UTRN: variants seen among roughly 807,000 people sequenced by gnomAD.
The protein encoded by UTRN is utrophin, also known as dystrophin-related protein 1.
A neutral mutation model predicts 463.9 loss-of-function variants in UTRN; 283 were observed. The ratio of observed to expected loss-of-function variants is 0.61; its 90% CI spans 0.55 to 0.67. UTRN has a LOEUF of 0.67. Ranked by LOEUF, UTRN falls within the 30% of genes least tolerant of loss-of-function variation. UTRN has a pLI of 0.00. For synonymous variants in UTRN, 1,442 were observed against 1,431.5 expected, an observed-to-expected ratio of 1.01 and a Z score of -0.17; for missense variants, 3,922 against 4,084.3, an observed-to-expected ratio of 0.96 and a Z score of 1.08.
chr6:144,588,923 A>G (rs1169850872), intron 51 of UTRN, among the ~76,000 whole-genome samples: 1 of 152,216 alleles, frequency 6.6e-6, no homozygotes, highest in African/African-American at 2.4e-5. Context: ...GGCGAGGTAA[A>G]TGAGTCCAAA....
chr6:144,661,165 T>C (rs1055748523), intron 51 of UTRN, among the ~76,000 whole-genome samples: 2 of 152,180 alleles, frequency 1.3e-5, no homozygotes, highest in East Asian at 1.9e-4. Context: ...CATGGATCAT[T>C]GCAAGTACAA....
chr6:144,732,245 T>TATATAC (rs1788676471), intron 54 of UTRN, among the ~76,000 whole-genome samples: 8 of 108,370 alleles, frequency 7.4e-5, no homozygotes, highest in African/African-American at 4.4e-4. Flanking sequence ...TATACATATA[T>TATATAC]ATATATATAT....
At chr6:144,549,868 C>T (rs980384218) in intron 47 of UTRN, among the ~76,000 whole-genome samples, 2 of 152,196 alleles carry the variant, frequency 1.3e-5, no homozygotes, top group African/African-American at 4.8e-5. Flanking sequence ...TGTGAAGGAG[C>T]CTGCAGGCTG....
chr6:144,643,516 G>A (rs1777972001), intron 51 of UTRN, among the ~76,000 whole-genome samples: 1 of 152,062 alleles, frequency 6.6e-6, no homozygotes, highest in African/African-American at 2.4e-5. Flanking sequence ...TGTTAATTGG[G>A]CCGGGCACGG....
intron 65 of UTRN, among the ~76,000 whole-genome samples, chr6:144,815,115 G>A (rs1355194593): frequency 1.3e-5 from 2 of 152,076 alleles, no homozygotes; most frequent in African/African-American, 2.4e-5. Context: ...TCAATAATGA[G>A]AATTGCAATA....
intron 2 of UTRN, among the ~76,000 whole-genome samples, chr6:144,317,389 C>A (rs1006891630): frequency 3.9e-5 from 6 of 152,118 alleles, no homozygotes; most frequent in Non-Finnish European, 8.8e-5. Flanking sequence ...ACATTCCAAT[C>A]TGATATATAT....
chr6:144,633,866 A>G (rs566229678), intron 51 of UTRN, among the ~76,000 whole-genome samples: 1 of 152,268 alleles, frequency 6.6e-6, no homozygotes, highest in Non-Finnish European at 1.5e-5. Flanking sequence ...GCAATTTGTC[A>G]GAAAATATTT....
chr6:144,302,426 G>A lies in UTRN; in HGVS notation c.79+10519G>A, dbSNP rs535631702. Among the ~76,000 whole-genome samples, 10 of 151,234 alleles carry A rather than the reference G, an allele frequency of 6.6e-5. No individual in the cohort carries two copies. In the South Asian group the frequency reaches 1.7e-3, roughly 25 times the overall value. On this transcript the variant is annotated intron_variant, in intron 2 of 74. Transcript: ENST00000367545. ...CTTGGGAGGCTGAGGCAGGAGAATC[G>A]CTTGAACTGGGAGGCAGAGGTTGTA...
At chr6:144,667,220 A>C (rs1188445937) in intron 51 of UTRN, among the ~76,000 whole-genome samples, 1 of 151,808 alleles carries the variant, frequency 6.6e-6, no homozygotes, top group Non-Finnish European at 1.5e-5. Flanking sequence ...ACACCCAGCT[A>C]ATTTTTTTCT....
Position 144,549,243 on chromosome 6 carries a change from A to G in UTRN, c.6810+389A>G, listed in dbSNP as rs140571335. Among the ~76,000 whole-genome samples, 87 of 152,354 alleles carry G rather than the reference A, an allele frequency of 5.7e-4. 1 individual carries two copies. The highest frequency in any genetic ancestry group is 4.4e-3 in the Admixed American group (68 of 15,304). ...TTAATTTCTGATTTTAAAAGTGAAT[A>G]TCTCCTATAACTTTACTACTATACA... On this transcript the variant is annotated intron_variant, in intron 47 of 74. Coordinates refer to ENST00000367545, the MANE Select transcript of UTRN (RefSeq NM_007124.3).
At position 144,516,841 on chromosome 6, in the gene UTRN, G is replaced by T. The variant is rs1161834749; in HGVS notation, c.5434G>T (p.Val1812Phe). 5.3e-6 allele frequency: 8 copies of T among 1,507,350 alleles called. No homozygotes were observed. The highest frequency in any genetic ancestry group is 2.5e-5 in the East Asian group (1 of 39,314). The allele number at this position is 1,507,350 out of a possible 1,614,324, so 93.4% of individuals were successfully genotyped here. The change falls in exon 39 of 75, where the codon GTT becomes TTT. Residue 1812 changes from valine (V) to phenylalanine (F), a missense_variant. Physicochemically the swap from Val to Phe is conservative, Grantham distance 50. This residue lies in a region of UTRN where 2,349 missense variants were observed against 2,303.8 expected (regional missense o/e 1.02). Coordinates refer to ENST00000367545, the MANE Select transcript of UTRN (RefSeq NM_007124.3). ...MDEESAQIEE[V>F]LQRGEEMLHQ... The stretch of plus-strand genomic sequence containing the variant: ...TGAGGAGAGTGCCCAGATTGAGGAA[G>T]TTCTACAAAGAGGAGAAGAAATGTT...
chr6:144,432,992 A>G (rs1194311221), intron 9 of UTRN, among the ~76,000 whole-genome samples: 1 of 152,144 alleles, frequency 6.6e-6, no homozygotes, highest in Non-Finnish European at 1.5e-5. Context: ...CAGAGAGCAC[A>G]GGGTTGGGGG....
At chr6:144,753,427 C>T (rs1410277357) in intron 56 of UTRN, among the ~76,000 whole-genome samples, 1 of 151,900 alleles carries the variant, frequency 6.6e-6, no homozygotes, top group Non-Finnish European at 1.5e-5. Context: ...CCAGCCTGGG[C>T]AACATAGGAA....
rs772104690 is a variant in UTRN, at chr6:144,803,030, C to T, written c.9246-6C>T. 2.6e-6 allele frequency: 4 copies of T among 1,539,776 alleles called. No individual in the cohort carries two copies. The African/African-American group carries it at 4.2e-5, about 16-fold the overall frequency. On this transcript the variant is annotated splice_region_variant and splice_polypyrimidine_tract_variant and intron_variant, in intron 64 of 74. Transcript: ENST00000367545. ...AAGCCAATAAATTTTCTTTTGTTTT[C>T]TCTAGGTATAGAAGCCTTAAGCATT... is the stretch of plus-strand genomic sequence containing the variant.
chr6:144,435,859 G>C lies in UTRN; in HGVS notation c.856-76G>C. The C allele has an allele frequency of 4.0e-6, 6 of 1,511,964 alleles. No individual in the cohort carries two copies. In the South Asian group the frequency reaches 4.9e-5, roughly 12 times the overall value. 93.7% of individuals were successfully genotyped at this position (1,511,964 alleles called of 1,614,324 possible). ...ACAGAGTGGTGGGTACTTTGGGTTC[G>C]CCATACAGTGTGAGTTTGCTGAACA... is the stretch of plus-strand genomic sequence containing the variant. On this transcript the variant is annotated intron_variant, in intron 9 of 74. Coordinates refer to ENST00000367545, the MANE Select transcript of UTRN (RefSeq NM_007124.3).
At position 144,779,835 on chromosome 6, in the gene UTRN, A is replaced by T. The variant is rs188435403; in HGVS notation, c.8633-2087A>T. Among the ~76,000 whole-genome samples the T allele has an allele frequency of 6.7e-3, 1,015 of 152,240 alleles. 2 individuals carry two copies. Among genetic ancestry groups the T allele is most frequent in the Non-Finnish European group, 0.012 (791 of 68,020 alleles). On this transcript the variant is annotated intron_variant, in intron 60 of 74. Coordinates refer to ENST00000367545, the MANE Select transcript of UTRN (RefSeq NM_007124.3). ...CTGACACCTTCTCTAACTCATATGAAGCTTATTTGACTTATTTTTGTTATT... is the reference window on the plus strand; with the variant it reads ...CTGACACCTTCTCTAACTCATATGATGCTTATTTGACTTATTTTTGTTATT...
At chr6:144,559,561 C>CT (rs1013758134) in intron 50 of UTRN, among the ~76,000 whole-genome samples, 28 of 152,116 alleles carry the variant, frequency 1.8e-4, no homozygotes, top group Admixed American at 1.0e-3. Context: ...GTATATTTAA[C>CT]TTTTTTCTGA....
intron 2 of UTRN, among the ~76,000 whole-genome samples, chr6:144,384,757 GTTA>G (rs1781264947): frequency 6.6e-6 from 1 of 152,084 alleles, no homozygotes; most frequent in Admixed American, 6.5e-5. Context: ...TTCAAGGCTG[GTTA>G]TTATTCCATT....
intron 2 of UTRN, among the ~76,000 whole-genome samples, chr6:144,326,560 C>T (rs1187198151): frequency 6.6e-6 from 1 of 152,140 alleles, no homozygotes. Flanking sequence ...AGACATTTTA[C>T]ACTTGTGGTA....
Sources: allele counts gnomAD v4.1 joint callset (sites outside exome capture counted in the v4.1 genomes callset), GRCh38; gene constraint gnomAD v4.1.1; regional missense constraint gnomAD v4.1.1; transcripts MANE v1.5; gene names NCBI Gene and HGNC (gene_info 2026-07-23, HGNC 2026-07-21).